Variants in MAOA observed in about 807,000 individuals in gnomAD.
MAOA encodes monoamine oxidase A.
MAOA carries 6 observed loss-of-function variants against 42.0 expected under a neutral mutation model. The ratio of observed to expected loss-of-function variants is 0.14; its 90% CI spans 0.08 to 0.28. The LOEUF is 0.28. MAOA is among the 10% of genes least tolerant of loss of function. The pLI is 1.00. For synonymous variants in MAOA, 140 were observed against 154.0 expected (o/e 0.91, Z 0.67); for missense variants, 262 against 422.3 (o/e 0.62, Z 3.33).
chrX:43,744,152 T>C lies in MAOA; in HGVS notation c.1418T>C (p.Val473Ala), dbSNP rs1157199441. Residue 473 changes from valine (V) to alanine (A), a missense_variant, in exon 14 of 15, where the codon GTA (valine) becomes GCA (alanine). Physicochemically the swap from Val to Ala is moderately conservative, Grantham distance 64. Around this residue, in one of 3 missense-constraint regions of MAOA, gnomAD observed 86 missense variants for 190.3 expected, o/e 0.45. Coordinates refer to ENST00000338702, the MANE Select transcript of MAOA (RefSeq NM_000240.4). ...AAGGTGACCGAGAAAGATATCTGGG[T>C]ACAAGAACCTGAATCAAAGGTAAGT... ...LGKVTEKDIW[V>A]QEPESKDVPA... 1 of 1,206,060 alleles carries C rather than the reference T, an allele frequency of 8.3e-7. No homozygotes were observed. Among genetic ancestry groups the C allele is most frequent in the Non-Finnish European group, 1.1e-6 (1 of 892,294 alleles).
At chrX:43,677,623 C>T (rs903873744) in intron 1 of MAOA, among the ~76,000 whole-genome samples, 5 of 111,657 alleles carry the variant, frequency 4.5e-5, no homozygotes, top group African/African-American at 1.3e-4. Context: ...CTCATCATCC[C>T]GATTTAGAAT....
chrX:43,663,407 A>G (rs923911434), intron 1 of MAOA, among the ~76,000 whole-genome samples: 10 of 112,023 alleles, frequency 8.9e-5, no homozygotes, highest in Non-Finnish European at 1.9e-4. Flanking sequence ...AACAGATGAT[A>G]AGATTTAAGA....
chrX:43,693,162 G>A, intron 2 of MAOA, 129 bp from the exon 3 acceptor site: 1 of 617,707 alleles, frequency 1.6e-6, no homozygotes, highest in South Asian at 2.5e-5. Context: ...GCCATTTTCA[G>A]TTGCTCTTTA....
chrX:43,683,531 T>G lies in MAOA; in HGVS notation c.92T>G (p.Leu31Arg). 8.3e-7 allele frequency: 1 copy of G among 1,210,687 alleles called. No individual in the cohort carries two copies. Among genetic ancestry groups the G allele is most frequent in the Non-Finnish European group, 1.1e-6 (1 of 894,387 alleles). ...GGISGLSAAKLLTEYGVSVLV... is the reference protein window; with the variant it reads ...GGISGLSAAKRLTEYGVSVLV... ...CCTTTAGGACTATCTGCTGCCAAAC[T>G]CTTGACTGAATATGGCGTTAGTGTT... Residue 31 changes from leucine (L) to arginine (R), a missense_variant, in exon 2 of 15, where the codon CTC (leucine) becomes CGC (arginine). Physicochemically the swap from Leu to Arg is moderately radical, Grantham distance 102. Around this residue, in one of 3 missense-constraint regions of MAOA, gnomAD observed 141 missense variants for 195.6 expected, o/e 0.72. Coordinates refer to ENST00000338702, the MANE Select transcript of MAOA (RefSeq NM_000240.4).
intron 1 of MAOA, among the ~76,000 whole-genome samples, chrX:43,662,197 C>T (rs1313925130): frequency 9.0e-6 from 1 of 111,519 alleles, no homozygotes; most frequent in East Asian, 2.8e-4. Flanking sequence ...TATTTAAATA[C>T]TCTGAGGTTC....
At position 43,733,087 on chromosome X, in the gene MAOA, G is replaced by A. The variant is rs1046949701; in HGVS notation, c.1052+292G>A. ...GTGAAAAAAAGCAGCTAGACAGGCA[G>A]TATGGTAGCCACCCCTGCCTACAGG... is the stretch of plus-strand genomic sequence containing the variant. On this transcript the variant is annotated intron_variant, in intron 9 of 14. Transcript: ENST00000338702. Among the ~76,000 whole-genome samples, 3 of 112,103 alleles carry A rather than the reference G, an allele frequency of 2.7e-5. No homozygotes were observed. In the Admixed American group the frequency reaches 2.8e-4, roughly 11 times the overall value.
chrX:43,716,832 A>G (rs1391411332), intron 5 of MAOA, among the ~76,000 whole-genome samples: 1 of 110,694 alleles, frequency 9.0e-6, no homozygotes, highest in African/African-American at 3.3e-5. Context: ...GTCAGGAATC[A>G]TGAATGGTGT....
At chrX:43,660,406 A>G (rs780215905) in intron 1 of MAOA, among the ~76,000 whole-genome samples, 1 of 110,242 alleles carries the variant, frequency 9.1e-6, no homozygotes, top group South Asian at 4.0e-4. Context: ...CAGGGCCTTC[A>G]ATGGTCTCCT....
intron 1 of MAOA, among the ~76,000 whole-genome samples, chrX:43,663,229 A>T (rs1175822460): frequency 9.0e-6 from 1 of 111,331 alleles, no homozygotes; most frequent in East Asian, 2.8e-4. Flanking sequence ...TTCTTCACAA[A>T]CTTGAATCAG....
chrX:43,663,281 T>G (rs1460127587), intron 1 of MAOA, among the ~76,000 whole-genome samples: 3 of 111,819 alleles, frequency 2.7e-5, no homozygotes, highest in African/African-American at 9.8e-5. Flanking sequence ...ACTTTCCCCA[T>G]GGCTTCTCTG....
At position 43,698,058 on chromosome X, in the gene MAOA, T is replaced by C. The variant is rs750550876; in HGVS notation, c.306+4630T>C. ...TGCATTGCTTTTTGACAACTTCAGC[T>C]TTCATAATCTAATACAGTCAATATT... On this transcript the variant is annotated intron_variant, in intron 3 of 14. Coordinates refer to ENST00000338702, the MANE Select transcript of MAOA (RefSeq NM_000240.4). Among the ~76,000 whole-genome samples the C allele has an allele frequency of 1.1e-4, 12 of 112,390 alleles. No homozygotes were observed. The South Asian group carries it at 4.4e-3, about 41-fold the overall frequency.
At chrX:43,702,988 A>G (rs756310541) in intron 3 of MAOA, among the ~76,000 whole-genome samples, 75 of 111,522 alleles carry the variant, frequency 6.7e-4, no homozygotes, top group African/African-American at 2.4e-3. Context: ...GCAGTCACTA[A>G]TTGACATAAT....
intron 1 of MAOA, among the ~76,000 whole-genome samples, chrX:43,662,057 T>G (rs1457077295): frequency 8.9e-6 from 1 of 111,921 alleles, no homozygotes; most frequent in Non-Finnish European, 1.9e-5. Context: ...ATATATCACC[T>G]GTAAAAATTA....
chrX:43,742,111 G>A (rs2033964955), intron 12 of MAOA, 64 bp downstream of exon 12: 2 of 1,197,910 alleles, frequency 1.7e-6, no homozygotes, highest in East Asian at 3.0e-5. Flanking sequence ...GAAAAGCAGA[G>A]TTCAATGCAA....
intron 5 of MAOA, among the ~76,000 whole-genome samples, chrX:43,714,823 A>C (rs2147095524): frequency 9.3e-6 from 1 of 107,212 alleles, no homozygotes; most frequent in African/African-American, 3.4e-5. Context: ...GGAGAATGAA[A>C]TTTTCCAGCT....
At chrX:43,670,494 T>C (rs1034489413) in intron 1 of MAOA, among the ~76,000 whole-genome samples, 1 of 108,562 alleles carries the variant, frequency 9.2e-6, no homozygotes, top group African/African-American at 3.4e-5. Flanking sequence ...ATGTGCACAA[T>C]GTGCAGGTTA....
chrX:43,659,132 C>T (rs2033212777), intron 1 of MAOA, among the ~76,000 whole-genome samples: 1 of 111,456 alleles, frequency 9.0e-6, no homozygotes, highest in African/African-American at 3.3e-5. Flanking sequence ...AAAATTGATC[C>T]ATATTAGCAA....
chrX:43,684,874 C>CTTTTTTTTTTTTTTTT (rs201207592), intron 2 of MAOA, among the ~76,000 whole-genome samples: 6 of 59,601 alleles, frequency 1.0e-4, no homozygotes, highest in African/African-American at 1.2e-4. Flanking sequence ...CTTTTCTTTT[C>CTTTTTTTTTTTTTTTT]TTTTTTTTTT....
chrX:43,659,049 A>G (rs2033212205), intron 1 of MAOA, among the ~76,000 whole-genome samples: 1 of 111,438 alleles, frequency 9.0e-6, no homozygotes. Flanking sequence ...ATACATCACC[A>G]ATCCATAGCA....
Sources: allele counts gnomAD v4.1 joint callset (sites outside exome capture counted in the v4.1 genomes callset), GRCh38; gene constraint gnomAD v4.1.1; regional missense constraint gnomAD v4.1.1; transcripts MANE v1.5; gene names NCBI Gene and HGNC (gene_info 2026-07-23, HGNC 2026-07-21).